WWOX: variants seen among roughly 807,000 people sequenced by gnomAD.
WWOX encodes the protein WW domain containing oxidoreductase.
WWOX carries 69 observed loss-of-function variants against 46.2 expected under a neutral mutation model. That is an observed-to-expected ratio of 1.49 (90% confidence interval 1.23 to 1.82). The LOEUF (loss-of-function observed/expected upper bound fraction) is 1.82. WWOX is among the 40% of genes most tolerant of loss of function. The probability of loss-of-function intolerance (pLI) is 0.00; values close to 1 mark genes in which losing one functional copy is unlikely to be tolerated. For missense variants in WWOX, 919 were observed against 542.6 expected (o/e 1.69, Z -6.89); for synonymous variants, 359 against 202.6 (o/e 1.77, Z -6.56).
At chr16:79,055,915 G>A (rs1319738) in intron 8 of WWOX, among the ~76,000 whole-genome samples, 7,494 of 152,124 alleles carry the variant, frequency 0.049, 658 homozygotes, top group African/African-American at 0.17. Context: ...ATAAGAAGAG[G>A]GAAGGTCTCC....
intron 8 of WWOX, among the ~76,000 whole-genome samples, chr16:78,988,699 G>C (rs1005378024): frequency 7.2e-5 from 11 of 152,218 alleles, no homozygotes; most frequent in Non-Finnish European, 7.3e-5. Flanking sequence ...AGGATGGAAA[G>C]TGCATTTGGG....
intron 4 of WWOX, among the ~76,000 whole-genome samples, chr16:78,122,196 C>T (rs1479039027): frequency 6.6e-6 from 1 of 152,096 alleles, no homozygotes; most frequent in African/African-American, 2.4e-5. Context: ...TTGGTACTAT[C>T]CAGTTTTCAG....
chr16:78,589,784 G>C (rs952564952), intron 8 of WWOX, among the ~76,000 whole-genome samples: 26 of 152,146 alleles, frequency 1.7e-4, no homozygotes. Flanking sequence ...TCATCTCTCT[G>C]CTGGCTTTTT....
intron 8 of WWOX, among the ~76,000 whole-genome samples, chr16:78,967,887 C>G (rs907156289): frequency 6.6e-6 from 1 of 152,190 alleles, no homozygotes; most frequent in Non-Finnish European, 1.5e-5. Context: ...ACATCAGTAG[C>G]TGCAGGAGGA....
chr16:78,289,499 G>T (rs1206858500), intron 5 of WWOX, among the ~76,000 whole-genome samples: 1 of 152,130 alleles, frequency 6.6e-6, no homozygotes, highest in African/African-American at 2.4e-5. Flanking sequence ...CAGTGACTTG[G>T]TCTGAGAAAC....
chr16:79,142,438 C>T (rs558871907), intron 8 of WWOX, among the ~76,000 whole-genome samples: 1 of 152,240 alleles, frequency 6.6e-6, no homozygotes, highest in South Asian at 2.1e-4. Flanking sequence ...AATATTTTCA[C>T]CACGGAAATT....
At chr16:79,099,951 C>T (rs777945277) in intron 8 of WWOX, among the ~76,000 whole-genome samples, 2 of 152,170 alleles carry the variant, frequency 1.3e-5, no homozygotes, top group African/African-American at 2.4e-5. Context: ...GAGAGGCAGA[C>T]AGGAACTCTT....
intron 5 of WWOX, among the ~76,000 whole-genome samples, chr16:78,320,458 G>C (rs2080444001): frequency 6.6e-6 from 1 of 152,142 alleles, no homozygotes; most frequent in Non-Finnish European, 1.5e-5. Context: ...TAAGTCCCTA[G>C]CTGTTTCCAG....
chr16:78,683,573 T>C (rs2047781763), intron 8 of WWOX, among the ~76,000 whole-genome samples: 1 of 139,670 alleles, frequency 7.2e-6, no homozygotes, highest in African/African-American at 2.5e-5. Context: ...AAAAAAAAAT[T>C]ACATGAAAAA....
At chr16:78,844,952 C>G (rs1479443158) in intron 8 of WWOX, among the ~76,000 whole-genome samples, 1 of 152,120 alleles carries the variant, frequency 6.6e-6, no homozygotes, top group African/African-American at 2.4e-5. Flanking sequence ...AAAGACTGGC[C>G]TATTGAGGCA....
At chr16:79,211,056 T>TGTGTGTGTGTGTGTGC (rs760064090) in intron 8 of WWOX, among the ~76,000 whole-genome samples, 4 of 150,314 alleles carry the variant, frequency 2.7e-5, no homozygotes, top group South Asian at 2.1e-4. Flanking sequence ...TGTGTGTGTG[T>TGTGTGTGTGTGTGTGC]GCATTAAATG....
At chr16:78,120,570 C>G (rs530673751) in intron 4 of WWOX, among the ~76,000 whole-genome samples, 16 of 147,558 alleles carry the variant, frequency 1.1e-4, no homozygotes, top group African/African-American at 3.7e-4. Flanking sequence ...GAGCGAGACT[C>G]CGTCTCAAAA....
At chr16:79,080,189 C>G (rs1382043725) in intron 8 of WWOX, among the ~76,000 whole-genome samples, 1 of 152,108 alleles carries the variant, frequency 6.6e-6, no homozygotes, top group Non-Finnish European at 1.5e-5. Context: ...CAGAGAATCC[C>G]GTGGAATCCC....
chr16:78,114,933 C>T lies in WWOX; in HGVS notation c.231-43C>T, dbSNP rs12934051. On this transcript the variant is annotated intron_variant, in intron 3 of 8. Coordinates refer to ENST00000566780, the MANE Select transcript of WWOX (RefSeq NM_016373.4). ...AAGATTGTCTTATATTTATAAATGCCTGTGTTCATTGCTGTGGGTTCACTG... is the reference window on the plus strand; with the variant it reads ...AAGATTGTCTTATATTTATAAATGCTTGTGTTCATTGCTGTGGGTTCACTG... 451,446 of 1,611,736 alleles carry T rather than the reference C, an allele frequency of 0.28. 66,520 individuals are homozygous for T. The highest frequency in any genetic ancestry group is 0.3 in the Non-Finnish European group (355,271 of 1,178,052).
At chr16:78,411,368 T>G (rs919642901) in intron 6 of WWOX, among the ~76,000 whole-genome samples, 1 of 152,140 alleles carries the variant, frequency 6.6e-6, no homozygotes, top group Admixed American at 6.5e-5. Flanking sequence ...ATCAACGTGT[T>G]GATTAGAGGG....
At chr16:78,992,466 C>CA (rs982264912) in intron 8 of WWOX, among the ~76,000 whole-genome samples, 8 of 152,104 alleles carry the variant, frequency 5.3e-5, no homozygotes, top group African/African-American at 1.7e-4. Context: ...CACTCTATCT[C>CA]AAAAAAACAA....
chr16:78,794,314 T>C (rs967310368), intron 8 of WWOX, among the ~76,000 whole-genome samples: 7 of 152,150 alleles, frequency 4.6e-5, no homozygotes, highest in South Asian at 2.1e-4. Context: ...AATAAATTTC[T>C]TTTTTTCAAA....
rs141516162 is a variant in WWOX at position 78,877,647 on chromosome 16, T to A, written c.1057-333961T>A. On this transcript the variant is annotated intron_variant, in intron 8 of 8. Transcript: ENST00000566780. Reference sequence around the variant, plus strand: ...ATAGAGACATAGACATACATGAGTTTTGTGTTTATTCTCCTATTCTCTAGA... The same window carrying A: ...ATAGAGACATAGACATACATGAGTTATGTGTTTATTCTCCTATTCTCTAGA... Among the ~76,000 whole-genome samples, 362 of 152,318 alleles carry A rather than the reference T, an allele frequency of 2.4e-3. 1 individual carries two copies. The highest frequency in any genetic ancestry group is 8.1e-3 in the African/African-American group (335 of 41,560).
At chr16:78,142,882 A>G (rs561517364) in intron 4 of WWOX, among the ~76,000 whole-genome samples, 1 of 152,346 alleles carries the variant, frequency 6.6e-6, no homozygotes. Flanking sequence ...ATTTGAACTA[A>G]AACACATAGC....
Sources: allele counts gnomAD v4.1 joint callset (sites outside exome capture counted in the v4.1 genomes callset), GRCh38; gene constraint gnomAD v4.1.1; transcripts MANE v1.5; gene names NCBI Gene and HGNC (gene_info 2026-07-23, HGNC 2026-07-21).